Variants in SYNE2 observed in about 807,000 individuals in gnomAD.
The protein encoded by SYNE2 is spectrin repeat containing nuclear envelope protein 2, also known as nesprin-2.
In SYNE2, 431 loss-of-function variants were observed where a neutral mutation model predicts 856.3. The observed-to-expected ratio is 0.50, with a 90% CI of 0.47 to 0.55. SYNE2 has a LOEUF of 0.55. Ranked by LOEUF, SYNE2 falls within the 20% of genes least tolerant of loss-of-function variation. SYNE2 has a pLI of 0.00. For synonymous variants in SYNE2, 2,923 were observed against 2,872.3 expected (o/e 1.02, Z -0.56); for missense variants, 8,129 against 8,023.2 (o/e 1.01, Z -0.50).
At chr14:64,036,183 C>CT (rs2097088486) in intron 45 of SYNE2, among the ~76,000 whole-genome samples, 1 of 149,234 alleles carries the variant, frequency 6.7e-6, no homozygotes, top group African/African-American at 2.5e-5. Flanking sequence ...TCTTTTTCCT[C>CT]TTTTTCTTTT....
At chr14:63,951,967 G>T (rs760334279) in intron 7 of SYNE2, among the ~76,000 whole-genome samples, 4 of 152,046 alleles carry the variant, frequency 2.6e-5, no homozygotes, top group African/African-American at 7.2e-5. Flanking sequence ...TTCATCATGG[G>T]TTTATCCTAG....
Position 64,120,082 on chromosome 14 carries a change from T to G in SYNE2, c.13023+473T>G, listed in dbSNP as rs543426560. ...ATCATATAAAGTGTTCTCATGATTT[T>G]TAAAAGCACTCTGTGTTTATAAATG... On this transcript the variant is annotated intron_variant, in intron 67 of 115. Transcript: ENST00000555002. 1.2e-4 allele frequency among the ~76,000 whole-genome samples: 18 copies of G among 152,354 alleles called. No homozygotes were observed. The South Asian group carries it at 3.7e-3, about 32-fold the overall frequency.
intron 2 of SYNE2, among the ~76,000 whole-genome samples, chr14:63,922,197 G>A (rs2095608645): frequency 6.6e-6 from 1 of 152,042 alleles, no homozygotes; most frequent in Admixed American, 6.6e-5. Context: ...TAGAGACAGG[G>A]TCTCACCTGG....
At chr14:63,945,094 C>T (rs900804668) in intron 6 of SYNE2, among the ~76,000 whole-genome samples, 5 of 136,040 alleles carry the variant, frequency 3.7e-5, no homozygotes, top group Admixed American at 3.2e-4. Flanking sequence ...CATGAGCCAC[C>T]ACACCTGGCC....
intron 39 of SYNE2, 133 bp downstream of exon 39, chr14:64,024,592 C>A: frequency 1.1e-6 from 1 of 903,520 alleles, no homozygotes; most frequent in Non-Finnish European, 1.7e-6. Context: ...CTTTTCAATC[C>A]AGGTTTGGTG....
At chr14:64,131,261 G>A (rs1212801507) in intron 76 of SYNE2, among the ~76,000 whole-genome samples, 2 of 152,148 alleles carry the variant, frequency 1.3e-5, no homozygotes, top group Non-Finnish European at 2.9e-5. Context: ...CCTTTTCAAG[G>A]CTTAGGAGAA....
chr14:64,214,623 A>C, intron 106 of SYNE2, 153 bp downstream of exon 106: 2 of 713,520 alleles, frequency 2.8e-6, no homozygotes, highest in Non-Finnish European at 4.6e-6. Context: ...CCCATCTCTT[A>C]ACTTACCTGA....
chr14:63,848,010 C>T (rs186282927), upstream of SYNE2, among the ~76,000 whole-genome samples: 348 of 152,264 alleles, frequency 2.3e-3, 2 homozygotes, highest in African/African-American at 7.8e-3. Flanking sequence ...CCTCAGCCTC[C>T]TAAGTAGCTG....
chr14:63,877,856 G>T (rs1453309190), intron 1 of SYNE2, among the ~76,000 whole-genome samples: 1 of 148,900 alleles, frequency 6.7e-6, no homozygotes, highest in Non-Finnish European at 1.5e-5. Flanking sequence ...TATAGCCAAG[G>T]TCATTTGCAT....
At chr14:63,925,364 C>T (rs1438738846) in intron 2 of SYNE2, among the ~76,000 whole-genome samples, 1 of 151,478 alleles carries the variant, frequency 6.6e-6, no homozygotes, top group East Asian at 1.9e-4. Context: ...TTCATCATTC[C>T]CTTTTTATTT....
chr14:63,940,446 CTA>C (rs1391634810), intron 2 of SYNE2, among the ~76,000 whole-genome samples, 166 bp from the exon 3 acceptor site: 3 of 148,230 alleles, frequency 2.0e-5, no homozygotes, highest in Non-Finnish European at 3.0e-5. Context: ...CATGGTTTTT[CTA>C]AAACACTACT....
At chr14:63,841,242 C>T (rs1216721385) in intron 1 of SYNE2, among the ~76,000 whole-genome samples, 2 of 152,002 alleles carry the variant, frequency 1.3e-5, no homozygotes, top group Non-Finnish European at 2.9e-5. Flanking sequence ...CAGTTGGGTG[C>T]ATTCTGAGAT....
intron 66 of SYNE2, among the ~76,000 whole-genome samples, chr14:64,117,159 G>A (rs191687994): frequency 2.6e-4 from 40 of 152,296 alleles, no homozygotes; most frequent in African/African-American, 8.7e-4. Flanking sequence ...TACAGAGTGA[G>A]TATCCCTTAT....
intron 1 of SYNE2, among the ~76,000 whole-genome samples, chr14:63,892,502 A>G (rs2095156362): frequency 6.6e-6 from 1 of 151,664 alleles, no homozygotes. Flanking sequence ...AAGATATTTG[A>G]AGTCAATTCA....
chr14:63,978,397 A>C (rs78453289), intron 13 of SYNE2, among the ~76,000 whole-genome samples: 4,575 of 152,278 alleles, frequency 0.03, 244 homozygotes, highest in African/African-American at 0.1. Context: ...CACTTTACAA[A>C]CTGTAAAATA....
intron 32 of SYNE2, among the ~76,000 whole-genome samples, chr14:64,014,710 A>G (rs1379218250): frequency 1.3e-5 from 2 of 152,084 alleles, no homozygotes; most frequent in East Asian, 3.9e-4. Context: ...GGCGTGAGCC[A>G]CCATGCCAGG....
Position 64,128,503 on chromosome 14 carries a change from C to T in SYNE2, c.13969C>T (p.Gln4657Ter). The change falls in exon 74 of 116, where the codon CAA becomes TAA. Residue 4657 changes from glutamine to a stop codon, truncating the protein, a stop_gained. Coordinates refer to ENST00000555002, the MANE Select transcript of SYNE2 (RefSeq NM_182914.3). LOFTEE classifies it high-confidence loss of function. ...GCTCATTAAGAGTAAGACATCTTTACAACAGTCTTTGAATGAAATCAGTGG... is the reference window on the plus strand; with the variant it reads ...GCTCATTAAGAGTAAGACATCTTTATAACAGTCTTTGAATGAAATCAGTGG... ...HQLIKSKTSL[Q>*]QSLNEISGQS... is the part of the protein sequence containing the mutation. The T allele has an allele frequency of 6.2e-7, 1 of 1,609,982 alleles. No homozygotes were observed. The highest frequency in any genetic ancestry group is 8.5e-7 in the Non-Finnish European group (1 of 1,176,228).
At chr14:64,076,292 A>C (rs572587373) in intron 54 of SYNE2, among the ~76,000 whole-genome samples, 192 bp downstream of exon 54, 1 of 152,336 alleles carries the variant, frequency 6.6e-6, no homozygotes, top group African/African-American at 2.4e-5. Context: ...TAACAGAATT[A>C]GATGATTTAT....
intron 10 of SYNE2, among the ~76,000 whole-genome samples, chr14:63,964,625 A>G (rs2096365814): frequency 6.6e-6 from 1 of 152,104 alleles, no homozygotes; most frequent in South Asian, 2.1e-4. Flanking sequence ...CCCAGGTTCA[A>G]GCAATTCTCC....
Sources: gnomAD v4.1 joint callset for allele counts (sites outside exome capture counted in the v4.1 genomes callset) on GRCh38, gnomAD v4.1.1 for gene constraint, MANE v1.5 for transcripts, NCBI Gene and HGNC (gene_info 2026-07-23, HGNC 2026-07-21) for gene names.